The following FAM227B variants were observed in gnomAD, a reference collection of about 807,000 sequenced individuals.
FAM227B encodes the protein protein FAM227B.
Under a neutral mutation model 73.8 loss-of-function variants are expected in FAM227B, and 88 were observed. The ratio of observed to expected loss-of-function variants is 1.19; its 90% CI spans 1.00 to 1.42. FAM227B has a LOEUF of 1.42. FAM227B is among the 40% of genes most tolerant of loss of function. FAM227B has a pLI of 0.00. For synonymous variants in FAM227B, 210 were observed against 190.5 expected (o/e 1.10, Z -0.84); for missense variants, 632 against 590.9 (o/e 1.07, Z -0.72).
chr15:49,354,439 G>C (rs960751221), intron 13 of FAM227B, among the ~76,000 whole-genome samples: 3 of 152,230 alleles, frequency 2.0e-5, no homozygotes, highest in Non-Finnish European at 2.9e-5. Flanking sequence ...CTTGGGAAGC[G>C]CAAGGGGTCA....
At chr15:49,479,286 CT>C (rs1849892429) in intron 11 of FAM227B, among the ~76,000 whole-genome samples, 1 of 152,076 alleles carries the variant, frequency 6.6e-6, no homozygotes, top group South Asian at 2.1e-4. Context: ...TACCATTATG[CT>C]ATCATGGACA....
intron 11 of FAM227B, among the ~76,000 whole-genome samples, chr15:49,463,152 G>C (rs1254969234): frequency 1.3e-5 from 2 of 152,194 alleles, no homozygotes; most frequent in East Asian, 3.8e-4. Context: ...GCTTAGATCA[G>C]TACTACAATC....
In FAM227B at chr15:49,400,816, T is replaced by G. The variant is rs28787993; in HGVS notation, c.1013-29417A>C. On this transcript the variant is annotated intron_variant, in intron 11 of 15. Transcript: ENST00000299338. ...TAGCCATATGCAGAAAGCTGAAACT[T>G]GATCCCTTCCTTACACCTTATACAA... is the stretch of plus-strand genomic sequence containing the variant. 5.3e-3 allele frequency among the ~76,000 whole-genome samples: 788 copies of G among 149,260 alleles called. 6 individuals are homozygous for G. Among genetic ancestry groups the G allele is most frequent in the African/African-American group, 0.018 (739 of 40,370 alleles).
rs186644580 is a variant in FAM227B, at chr15:49,333,256, T to A, written c.1350-1407A>T. ...TGAAGTTTTATAACATTACTAATCC[T>A]CCCTCTTTCTGATTGCCTTTCCTCT... On this transcript the variant is annotated intron_variant, in intron 14 of 15. Coordinates refer to ENST00000299338, the MANE Select transcript of FAM227B (RefSeq NM_152647.3). Among the ~76,000 whole-genome samples, 31 of 152,310 alleles carry A rather than the reference T, an allele frequency of 2.0e-4. No individual in the cohort carries two copies. In the East Asian group the frequency reaches 5.8e-3, roughly 28 times the overall value.
intron 11 of FAM227B, among the ~76,000 whole-genome samples, chr15:49,414,512 A>C (rs989938237): frequency 6.6e-6 from 1 of 152,182 alleles, no homozygotes; most frequent in Non-Finnish European, 1.5e-5. Flanking sequence ...CATATTGGAA[A>C]AAGAAAAGTA....
chr15:49,577,774 A>C, intron 5 of FAM227B, 110 bp from the exon 6 acceptor site: 1 of 602,806 alleles, frequency 1.7e-6, no homozygotes, highest in Non-Finnish European at 2.8e-6. Flanking sequence ...ATATATGTAT[A>C]TATATCCTAC....
rs1025472795 is a variant in FAM227B, at chr15:49,397,680, TG to T, written c.1013-26282del. 4.6e-5 allele frequency among the ~76,000 whole-genome samples: 7 copies of T among 151,792 alleles called. No individual in the cohort carries two copies. In the Middle Eastern group the frequency reaches 0.01, roughly 221 times the overall value. On this transcript the variant is annotated intron_variant, in intron 11 of 15. Coordinates refer to ENST00000299338, the MANE Select transcript of FAM227B (RefSeq NM_152647.3). ...AGAAACCCTACAAGCCAGAAGAGAGTGGGGGCCAATATTCAAAATTTTAAAG... is the reference window on the plus strand; with the variant it reads ...AGAAACCCTACAAGCCAGAAGAGAGTGGGGCCAATATTCAAAATTTTAAAG...
chr15:49,391,349 A>C (rs999980216), intron 11 of FAM227B, among the ~76,000 whole-genome samples: 25 of 152,128 alleles, frequency 1.6e-4, no homozygotes, highest in African/African-American at 5.6e-4. Flanking sequence ...GAGTCCCTTC[A>C]AGAGAAATTC....
chr15:49,425,498 T>G (rs1333647647), intron 11 of FAM227B: 1 of 151,998 alleles, frequency 6.6e-6, no homozygotes, highest in African/African-American at 2.4e-5. Context: ...TTTGTTTACA[T>G]TACTAGCACT....
At chr15:49,432,969 C>G (rs2050747563) in intron 11 of FAM227B, among the ~76,000 whole-genome samples, 2 of 151,418 alleles carry the variant, frequency 1.3e-5, no homozygotes, top group South Asian at 4.2e-4. Context: ...TTGAAAAATT[C>G]TTACTGTATA....
chr15:49,582,168 G>A (rs1022847646), intron 5 of FAM227B, among the ~76,000 whole-genome samples: 8 of 152,126 alleles, frequency 5.3e-5, no homozygotes, highest in Non-Finnish European at 7.4e-5. Context: ...AAATGCCCCC[G>A]TTAAAAGGCA....
At position 49,471,484 on chromosome 15, in the gene FAM227B, AAATAATAATAATAAT is replaced by A. The variant is rs201297260; in HGVS notation, c.1012+36712_1012+36726del. ...AGCTACAGAGTGAGACTCTATCTCAAAATAATAATAATAATAATAATAATAATAATAATAATAATA... is the reference window on the plus strand; with the variant it reads ...AGCTACAGAGTGAGACTCTATCTCAAAATAATAATAATAATAATAATAATA... On this transcript the variant is annotated intron_variant, in intron 11 of 15. Coordinates refer to ENST00000299338, the MANE Select transcript of FAM227B (RefSeq NM_152647.3). Among the ~76,000 whole-genome samples, 413 of 137,850 alleles carry A rather than the reference AAATAATAATAATAAT, an allele frequency of 3.0e-3. 5 individuals are homozygous for A. In the South Asian group the frequency reaches 0.032, roughly 11 times the overall value. 90.4% of individuals were successfully genotyped at this position (137,850 alleles called of 152,430 possible). A position where few individuals can be genotyped will look rare whatever the true frequency, so the allele number is the denominator to read the frequency against.
intron 13 of FAM227B, among the ~76,000 whole-genome samples, chr15:49,362,227 G>T (rs946576595): frequency 6.6e-6 from 1 of 152,100 alleles, no homozygotes; most frequent in Admixed American, 6.6e-5. Flanking sequence ...GATCATGGGA[G>T]TGGATTTCCC....
chr15:49,486,807 AATTT>A (rs1163940955), intron 11 of FAM227B: 1 of 151,826 alleles, frequency 6.6e-6, no homozygotes, highest in Non-Finnish European at 1.5e-5. Context: ...CCTATTTTTA[AATTT>A]ATTATGCAAA....
At position 49,489,847 on chromosome 15, in the gene FAM227B, ATATATATATATTT is replaced by A. The variant is rs1315353674; in HGVS notation, c.1012+18351_1012+18363del. 0.035 allele frequency among the ~76,000 whole-genome samples: 693 copies of A among 19,910 alleles called. 107 individuals carry two copies. The East Asian group carries it at 0.37, about 11-fold the overall frequency. 13.1% of individuals were successfully genotyped at this position (19,910 alleles called of 152,430 possible). On this transcript the variant is annotated intron_variant, in intron 11 of 15. Coordinates refer to ENST00000299338, the MANE Select transcript of FAM227B (RefSeq NM_152647.3). Reference sequence around the variant, plus strand: ...TTATATATATATATATATTTTATATATATATATATATTTTATATATATATATATATATATATAG... The same window carrying A: ...TTATATATATATATATATTTTATATATATATATATATATATATATATATAG...
chr15:49,611,107 C>T, intron 3 of FAM227B, 108 bp downstream of exon 3: 1 of 656,732 alleles, frequency 1.5e-6, no homozygotes, highest in Non-Finnish European at 2.7e-6. Context: ...CTCATTGAAA[C>T]ATATTTCTGA....
intron 13 of FAM227B, among the ~76,000 whole-genome samples, chr15:49,355,964 C>T (rs2043088467): frequency 1.3e-5 from 2 of 151,326 alleles, no homozygotes; most frequent in Admixed American, 6.6e-5. Flanking sequence ...GAATTTTCAA[C>T]CCAGAATTTC....
intron 3 of FAM227B, among the ~76,000 whole-genome samples, chr15:49,610,578 T>G (rs1017292473): frequency 2.0e-5 from 3 of 152,104 alleles, no homozygotes; most frequent in Non-Finnish European, 4.4e-5. Context: ...TATATTCCAA[T>G]CCACTCAAAA....
At chr15:49,540,502 T>TGC (rs2070914353) in intron 10 of FAM227B, among the ~76,000 whole-genome samples, 2 of 152,164 alleles carry the variant, frequency 1.3e-5, no homozygotes, top group Non-Finnish European at 2.9e-5. Context: ...AATTATTTTG[T>TGC]GTGTGTGTGA....
Sources: gnomAD v4.1 joint callset for allele counts (sites outside exome capture counted in the v4.1 genomes callset) on GRCh38, gnomAD v4.1.1 for gene constraint, MANE v1.5 for transcripts, NCBI Gene and HGNC (gene_info 2026-07-23, HGNC 2026-07-21) for gene names.